The following TASP1 variants were observed in gnomAD, a reference collection of about 807,000 sequenced individuals.
TASP1 encodes taspase 1.
In TASP1, 16 loss-of-function variants were observed where a neutral mutation model predicts 56.6. The ratio of observed to expected loss-of-function variants is 0.28; its 90% CI spans 0.19 to 0.43. The LOEUF is 0.43. Among genes scored for constraint, TASP1 ranks in the 20% least tolerant of loss-of-function variants. The pLI is 1.00. For missense variants in TASP1, 393 were observed against 511.6 expected (o/e 0.77, Z 2.24); for synonymous variants, 179 against 184.2 (o/e 0.97, Z 0.23).
chr20:13,170,395 T>C, the TASP1 span, among the ~76,000 whole-genome samples: 1 of 152,200 alleles, frequency 6.6e-6, no homozygotes, highest in Non-Finnish European at 1.5e-5. Context: ...CCAGTTTCAT[T>C]TGGAAAAGGT....
chr20:13,583,810 G>A lies in TASP1; in HGVS notation c.404-2829C>T, dbSNP rs143319911. On this transcript the variant is annotated intron_variant, in intron 5 of 13. Coordinates refer to ENST00000337743, the MANE Select transcript of TASP1 (RefSeq NM_017714.3). The stretch of plus-strand genomic sequence containing the variant: ...ATATGTAAACCACTGGGCTGGATGC[G>A]GTGGCTCACGCCTGTAATCTCAGCA... Among the ~76,000 whole-genome samples, 267 of 152,292 alleles carry A rather than the reference G, an allele frequency of 1.8e-3. 1 individual carries two copies. The highest frequency in any genetic ancestry group is 5.9e-3 in the African/African-American group (247 of 41,562).
chr20:13,267,957 A>G, the TASP1 span, among the ~76,000 whole-genome samples: 1 of 152,230 alleles, frequency 6.6e-6, no homozygotes, highest in East Asian at 1.9e-4. Flanking sequence ...ATTCTCCATG[A>G]CAATCTAACT....
intron 1 of TASP1, among the ~76,000 whole-genome samples, chr20:13,634,217 G>A (rs543453133): frequency 6.6e-6 from 1 of 152,296 alleles, no homozygotes; most frequent in African/African-American, 2.4e-5. Context: ...AAAAAGGAAT[G>A]CAGTGCTGAC....
chr20:13,623,837 A>C (rs1250004103), intron 3 of TASP1, among the ~76,000 whole-genome samples: 1 of 152,206 alleles, frequency 6.6e-6, no homozygotes, highest in East Asian at 1.9e-4. Context: ...AGTTTGGTTC[A>C]AATATCCTGA....
chr20:13,108,457 C>T, the TASP1 span, among the ~76,000 whole-genome samples: 2 of 152,170 alleles, frequency 1.3e-5, no homozygotes, highest in African/African-American at 4.8e-5. Context: ...TCCATTGAGA[C>T]CAAGAACTGC....
chr20:13,445,820 A>C (rs1458656840), intron 11 of TASP1, among the ~76,000 whole-genome samples: 6 of 152,150 alleles, frequency 3.9e-5, no homozygotes, highest in African/African-American at 1.2e-4. Flanking sequence ...CAGAAGGCAA[A>C]CTGTCCTTTG....
the TASP1 span, among the ~76,000 whole-genome samples, chr20:13,306,486 A>C: frequency 7.6e-6 from 1 of 130,982 alleles, no homozygotes; most frequent in South Asian, 2.5e-4. Flanking sequence ...TCTCTACCAG[A>C]TTTTGGTGGT....
the TASP1 span, among the ~76,000 whole-genome samples, chr20:13,220,959 C>T: frequency 6.6e-6 from 1 of 152,198 alleles, no homozygotes; most frequent in Non-Finnish European, 1.5e-5. Flanking sequence ...ACCTCGGCAG[C>T]GGGCACTTGG....
chr20:13,491,173 T>C (rs2043512880), intron 10 of TASP1, among the ~76,000 whole-genome samples: 1 of 152,166 alleles, frequency 6.6e-6, no homozygotes, highest in Non-Finnish European at 1.5e-5. Flanking sequence ...GGTAAACCTA[T>C]CATTATCAAA....
At chr20:13,252,667 A>C in the TASP1 span, among the ~76,000 whole-genome samples, 2 of 152,140 alleles carry the variant, frequency 1.3e-5, no homozygotes, top group African/African-American at 4.8e-5. Flanking sequence ...AGGCAGGAGA[A>C]TCGCTTGAAC....
At chr20:13,367,569 G>A in the TASP1 span, among the ~76,000 whole-genome samples, 1 of 152,228 alleles carries the variant, frequency 6.6e-6, no homozygotes, top group Non-Finnish European at 1.5e-5. Flanking sequence ...CAGTGCTGCA[G>A]CATCAAAATG....
chr20:13,351,397 TAATA>T, the TASP1 span, among the ~76,000 whole-genome samples: 1 of 152,224 alleles, frequency 6.6e-6, no homozygotes, highest in Non-Finnish European at 1.5e-5. Context: ...GCATCTGTAT[TAATA>T]AATTTCCAAA....
chr20:13,572,608 C>T (rs2046756296), intron 6 of TASP1, among the ~76,000 whole-genome samples: 1 of 142,270 alleles, frequency 7.0e-6, no homozygotes, highest in African/African-American at 2.6e-5. Flanking sequence ...ACCGCTTGAA[C>T]TCGGGAGGTG....
chr20:13,297,592 A>AG, the TASP1 span, among the ~76,000 whole-genome samples: 1 of 152,258 alleles, frequency 6.6e-6, no homozygotes, highest in African/African-American at 2.4e-5. Flanking sequence ...CATAAATGAA[A>AG]GGATCAAGTA....
At chr20:13,473,885 C>A (rs1208467930) in intron 11 of TASP1, among the ~76,000 whole-genome samples, 1 of 152,042 alleles carries the variant, frequency 6.6e-6, no homozygotes, top group African/African-American at 2.4e-5. Flanking sequence ...TCAGCCTGGG[C>A]AACATAGTGA....
intron 8 of TASP1, among the ~76,000 whole-genome samples, chr20:13,550,074 A>T (rs2045928175): frequency 6.6e-6 from 1 of 151,692 alleles, no homozygotes. Context: ...CCTGGGAAGA[A>T]ACTCAATCTC....
At chr20:13,397,409 A>AT (rs1338107963) in intron 13 of TASP1, among the ~76,000 whole-genome samples, 2 of 151,232 alleles carry the variant, frequency 1.3e-5, no homozygotes, top group African/African-American at 4.9e-5. Context: ...TACTATACCT[A>AT]TTTTTTTCAG....
the TASP1 span, among the ~76,000 whole-genome samples, chr20:13,296,091 C>T: frequency 0.045 from 6,820 of 152,274 alleles, 489 homozygotes; most frequent in African/African-American, 0.15. Flanking sequence ...CCACATTCCA[C>T]CACAGTTGGC....
chr20:13,577,349 T>C (rs1271299578), intron 6 of TASP1, among the ~76,000 whole-genome samples: 1 of 152,198 alleles, frequency 6.6e-6, no homozygotes, highest in African/African-American at 2.4e-5. Context: ...CAGGTATGCA[T>C]CACATTGTTT....
Sources: gnomAD v4.1 joint callset for allele counts (sites outside exome capture counted in the v4.1 genomes callset) on GRCh38, gnomAD v4.1.1 for gene constraint, MANE v1.5 for transcripts, NCBI Gene and HGNC (gene_info 2026-07-23, HGNC 2026-07-21) for gene names.